The following KIAA0753 variants were observed in gnomAD, a reference collection of about 807,000 sequenced individuals.
The protein encoded by KIAA0753 is protein moonraker.
A neutral mutation model predicts 116.9 loss-of-function variants in KIAA0753; 114 were observed. That is an observed-to-expected ratio of 0.98 (90% CI 0.84 to 1.14). The LOEUF is 1.14. Ranked by LOEUF, KIAA0753 falls within the 50% of genes most tolerant of loss-of-function variation. The pLI, the probability that KIAA0753 is intolerant of heterozygous loss-of-function variation, is 0.00. For missense variants in KIAA0753, 1,156 were observed against 1,172.4 expected (o/e 0.99, Z 0.20); for synonymous variants, 405 against 413.1 (o/e 0.98, Z 0.24).
chr17:6,601,862 C>A (rs1234848126), intron 12 of KIAA0753, among the ~76,000 whole-genome samples: 1 of 152,156 alleles, frequency 6.6e-6, no homozygotes, highest in African/African-American at 2.4e-5. Context: ...TTACAAAGAT[C>A]TATGGGCGAG....
At chr17:6,581,743 CT>C (rs1460324249) in intron 18 of KIAA0753, among the ~76,000 whole-genome samples, 1 of 152,204 alleles carries the variant, frequency 6.6e-6, no homozygotes, top group African/African-American at 2.4e-5. Flanking sequence ...TAATCCATTA[CT>C]ATTATTACAT....
intron 2 of KIAA0753, among the ~76,000 whole-genome samples, chr17:6,633,884 A>G (rs905966769): frequency 1.3e-5 from 2 of 151,998 alleles, no homozygotes; most frequent in Non-Finnish European, 2.9e-5. Context: ...GGAGGGGAGG[A>G]GTGGGGGTTA....
chr17:6,590,143 C>T (rs776554182), intron 17 of KIAA0753, 140 bp from the exon 18 acceptor site: 32 of 716,552 alleles, frequency 4.5e-5, no homozygotes, highest in Non-Finnish European at 6.5e-5. Context: ...AACAACCTAA[C>T]ACCATGCGTT....
At chr17:6,618,046 G>A (rs1295104263) in intron 7 of KIAA0753, among the ~76,000 whole-genome samples, 1 of 152,070 alleles carries the variant, frequency 6.6e-6, no homozygotes, top group Non-Finnish European at 1.5e-5. Flanking sequence ...AGGTTGCAGT[G>A]AGCCAAGATC....
chr17:6,591,702 A>G (rs757426020), intron 16 of KIAA0753, among the ~76,000 whole-genome samples: 1 of 152,260 alleles, frequency 6.6e-6, no homozygotes, highest in Non-Finnish European at 1.5e-5. Context: ...CCTCTGTAAG[A>G]CTGTCTTCTA....
intron 18 of KIAA0753, 122 bp from the exon 19 acceptor site, chr17:6,579,986 C>T (rs1968025636): frequency 3.0e-6 from 2 of 659,800 alleles, no homozygotes; most frequent in Non-Finnish European, 5.4e-6. Context: ...AGTTTGAGAC[C>T]AGCCTGGCCA....
Position 6,599,433 on chromosome 17 carries a change from A to G in KIAA0753, c.2089-113T>C, listed in dbSNP as rs555191717. ...GTGGAACTATTCATCAGCTTTAGCTACATTAGGCTTTTTGCAGCAATTCAA... is the reference window on the plus strand; with the variant it reads ...GTGGAACTATTCATCAGCTTTAGCTGCATTAGGCTTTTTGCAGCAATTCAA... On this transcript the variant is annotated intron_variant, in intron 13 of 18. Coordinates refer to ENST00000361413, the MANE Select transcript of KIAA0753 (RefSeq NM_014804.3). The G allele has an allele frequency of 1.3e-5, 9 of 714,736 alleles. No individual in the cohort carries two copies. In the South Asian group the frequency reaches 1.6e-4, roughly 12 times the overall value. 44.3% of individuals were successfully genotyped at this position (714,736 alleles called of 1,614,324 possible).
At chr17:6,580,316 CTT>C (rs1555566506) in intron 18 of KIAA0753, among the ~76,000 whole-genome samples, 11 of 139,254 alleles carry the variant, frequency 7.9e-5, no homozygotes, top group Non-Finnish European at 1.6e-5. Flanking sequence ...AGCCAAGATA[CTT>C]TTTTTTTTTT....
chr17:6,637,983 C>T (rs1221202517), intron 1 of KIAA0753: 1 of 152,616 alleles, frequency 6.6e-6, no homozygotes, highest in African/African-American at 2.4e-5. Context: ...CCCTGACCCT[C>T]TGTCTCTGTC....
intron 7 of KIAA0753, among the ~76,000 whole-genome samples, chr17:6,613,980 T>C (rs940211874): frequency 6.6e-6 from 1 of 152,140 alleles, no homozygotes; most frequent in Non-Finnish European, 1.5e-5. Context: ...ATCCAGACTA[T>C]ATAAAGAACT....
At chr17:6,595,201 G>C (rs1311477519) in intron 15 of KIAA0753, 148 bp from the exon 16 acceptor site, 3 of 625,480 alleles carry the variant, frequency 4.8e-6, no homozygotes, top group Non-Finnish European at 8.5e-6. Context: ...GAAGTAATTA[G>C]TTCATGAGAC....
intron 8 of KIAA0753, among the ~76,000 whole-genome samples, chr17:6,610,498 CTTTT>C (rs1970462789): frequency 1.5e-5 from 2 of 137,576 alleles, no homozygotes; most frequent in African/African-American, 5.3e-5. Flanking sequence ...AATTATTTTT[CTTTT>C]TTCTTTTCTT....
At position 6,628,266 on chromosome 17, in the gene KIAA0753, G is replaced by A. The variant is rs771497107; in HGVS notation, c.569C>T (p.Ser190Leu). The A allele has an allele frequency of 1.5e-5, 25 of 1,613,996 alleles. No homozygotes were observed. Among genetic ancestry groups the A allele is most frequent in the East Asian group, 2.2e-5 (1 of 44,890 alleles). Residue 190 changes from serine (S) to leucine (L), a missense_variant, in exon 3 of 19, where the codon TCG becomes TTG. Ser to Leu is a moderately radical substitution (Grantham distance 145, BLOSUM62 -2). Transcript: ENST00000361413. ...AAGTCCCGGATCATGGGTGGGTGGCGAATTTGGCACAGTAAGATCTGACTG... is the reference window on the plus strand; with the variant it reads ...AAGTCCCGGATCATGGGTGGGTGGCAAATTTGGCACAGTAAGATCTGACTG... ...PGQSDLTVPN[S>L]PPTHDPGLQP... is the part of the protein sequence containing the mutation.
intron 1 of KIAA0753, chr17:6,637,362 A>T (rs1706461733): frequency 6.6e-6 from 1 of 151,984 alleles, no homozygotes; most frequent in Admixed American, 6.6e-5. Flanking sequence ...CCCCCTCCAC[A>T]GGTCCAGGAA....
At chr17:6,634,607 T>C (rs1174254342) in intron 2 of KIAA0753, 1 of 163,628 alleles carries the variant, frequency 6.1e-6, no homozygotes, top group African/African-American at 2.4e-5. Context: ...AAAATTCAAC[T>C]TTGCTGTATT....
chr17:6,607,325 A>T, intron 10 of KIAA0753, 55 bp from the exon 11 acceptor site: 1 of 1,404,472 alleles, frequency 7.1e-7, no homozygotes, highest in African/African-American at 1.4e-5. Context: ...GCAGGGTGTC[A>T]TCATCACAGA....
In KIAA0753 at chr17:6,624,825, C is replaced by T. The variant is rs919816098; in HGVS notation, c.755G>A (p.Arg252His). 18 of 1,561,586 alleles carry T rather than the reference C, an allele frequency of 1.2e-5. No homozygotes were observed. The highest frequency in any genetic ancestry group is 9.5e-5 in the African/African-American group (7 of 73,932). Residue 252 changes from arginine to histidine, a missense_variant, in exon 4 of 19, where the codon CGT becomes CAT. By Grantham distance (29) the Arg-to-His change is conservative. Coordinates refer to ENST00000361413, the MANE Select transcript of KIAA0753 (RefSeq NM_014804.3). ...CTCCTGTCTCCTGATACGGATTCGA[C>T]GTTCTTCATCTGGATCCAAAGCTTC... Reference protein sequence around the residue: ...LEEALDPDEERRIRIRRQEQA... With the variant: ...LEEALDPDEEHRIRIRRQEQA...
chr17:6,622,317 A>T (rs1273742570), intron 6 of KIAA0753, among the ~76,000 whole-genome samples: 1 of 152,240 alleles, frequency 6.6e-6, no homozygotes, highest in Non-Finnish European at 1.5e-5. Context: ...AAATGGCATA[A>T]TTACATGGAA....
intron 18 of KIAA0753, among the ~76,000 whole-genome samples, chr17:6,588,979 T>C (rs903949643): frequency 1.3e-5 from 2 of 152,144 alleles, no homozygotes; most frequent in African/African-American, 4.8e-5. Flanking sequence ...GAACATGCCA[T>C]GGTCATGGCT....
Sources: allele counts gnomAD v4.1 joint callset (sites outside exome capture counted in the v4.1 genomes callset), GRCh38; gene constraint gnomAD v4.1.1; transcripts MANE v1.5; gene names NCBI Gene and HGNC (gene_info 2026-07-23, HGNC 2026-07-21).